The following CANT1 variants were observed in gnomAD, a reference collection of about 807,000 sequenced individuals.
CANT1 encodes the protein calcium activated nucleotidase 1.
A neutral mutation model predicts 30.0 loss-of-function variants in CANT1; 26 were observed. The observed-to-expected ratio is 0.87, with a 90% CI of 0.64 to 1.20. The LOEUF is 1.20. Ranked by LOEUF, CANT1 falls within the 50% of genes most tolerant of loss-of-function variation. The probability of loss-of-function intolerance (pLI) is 0.00; values close to 1 mark genes in which losing one functional copy is unlikely to be tolerated. For missense variants in CANT1, 518 were observed against 563.0 expected, an observed-to-expected ratio of 0.92 and a Z score of 0.81; for synonymous variants, 246 against 251.8, an observed-to-expected ratio of 0.98 and a Z score of 0.22.
rs145516713 is a variant in CANT1, at chr17:78,993,693, C to G, written c.1063G>C (p.Asp355His). Residue 355 changes from aspartate to histidine, a missense_variant, in exon 5 of 5, where the codon GAC becomes CAC. This residue lies in a region of CANT1 where 221 missense variants were observed against 211.8 expected (regional missense o/e 1.04). Coordinates refer to ENST00000392446, the MANE Select transcript of CANT1 (RefSeq NM_001159773.2). The surrounding 1 kb of genome is among the most constrained non-coding windows in gnomAD (Gnocchi z 4.5). ...GATTTGAGGGCCACAATGATCTGGT[C>G]GTCGGTGTTGGGGATGAACTTGAAG... ...SSFKFIPNTDDQIIVALKSEE... is the reference protein window; with the variant it reads ...SSFKFIPNTDHQIIVALKSEE... 6.2e-7 allele frequency: 1 copy of G among 1,614,058 alleles called. No individual in the cohort carries two copies. Among genetic ancestry groups the G allele is most frequent in the Non-Finnish European group, 8.5e-7 (1 of 1,180,050 alleles).
In CANT1 at chr17:78,997,236, C is replaced by T; in HGVS notation, c.387G>A (p.Leu129=). 2.5e-6 allele frequency: 4 copies of T among 1,614,220 alleles called. No individual in the cohort carries two copies. Among genetic ancestry groups the T allele is most frequent in the Non-Finnish European group, 3.4e-6 (4 of 1,180,044 alleles). The change falls in exon 3 of 5, where the codon CTG becomes CTA. Residue 129 remains leucine (L), a synonymous_variant. Coordinates refer to ENST00000392446, the MANE Select transcript of CANT1 (RefSeq NM_001159773.2). The surrounding 1 kb of genome is among the most constrained non-coding windows in gnomAD (Gnocchi z 7.5). The part of the protein sequence containing the change: ...AQEENTWFSY[L]KKGYLTLSDS... ...CTGACAGGGTCAGGTAGCCCTTTTT[C>T]AGGTAACTGAACCAGGTGTTTTCCT...
chr17:78,999,168 T>A (rs1173434019), intron 1 of CANT1, among the ~76,000 whole-genome samples: 1 of 152,184 alleles, frequency 6.6e-6, no homozygotes, highest in Admixed American at 6.5e-5. Flanking sequence ...ACAAGGCACA[T>A]ACGTGGAACC....
Position 78,996,955 on chromosome 17 carries a change from C to G in CANT1, c.631+37G>C. 1.2e-6 allele frequency: 2 copies of G among 1,611,796 alleles called. No homozygotes were observed. The highest frequency in any genetic ancestry group is 1.7e-6 in the Non-Finnish European group (2 of 1,179,988). ...CAGCCAGGCCCTGAGCTCCCACTCC[C>G]CACCCACACCTCCATAAAACCTCAG... On this transcript the variant is annotated intron_variant, in intron 3 of 4. Transcript: ENST00000392446. This position sits in a 1 kb window ranked among gnomAD's most constrained non-coding sequence, Gnocchi z 5.1.
At position 78,996,532 on chromosome 17, in the gene CANT1, G is replaced by A. The variant is rs899345592; in HGVS notation, c.631+460C>T. Among the ~76,000 whole-genome samples the A allele has an allele frequency of 1.1e-4, 17 of 152,304 alleles. No individual in the cohort carries two copies. The East Asian group carries it at 2.7e-3, about 24-fold the overall frequency. On this transcript the variant is annotated intron_variant, in intron 3 of 4. Coordinates refer to ENST00000392446, the MANE Select transcript of CANT1 (RefSeq NM_001159773.2). This position sits in a 1 kb window ranked among gnomAD's most constrained non-coding sequence, Gnocchi z 5.1. Reference sequence around the variant, plus strand: ...TCCCCCTGCTGGGGTTCAGGGAGAGGAGGGCTGGGCAGCAGTTTACCCTTC... The same window carrying A: ...TCCCCCTGCTGGGGTTCAGGGAGAGAAGGGCTGGGCAGCAGTTTACCCTTC...
Position 78,995,034 on chromosome 17 carries a change from G to A in CANT1, c.819C>T (p.Ala273=), listed in dbSNP as rs571979064. The change falls in exon 4 of 5, where the codon GCC becomes GCT. Residue 273 remains alanine (A), a synonymous_variant. Transcript: ENST00000392446. This position sits in a 1 kb window ranked among gnomAD's most constrained non-coding sequence, Gnocchi z 5.7. ...VSNYNALRAA[A]GIQPPGYLIH... ...GTCTCTTACCTGGCGGCTGGATGCC[G>A]GCAGCAGCCCGCAGGGCGTTGTAGT... 3.0e-5 allele frequency: 48 copies of A among 1,579,546 alleles called. No individual in the cohort carries two copies. Among genetic ancestry groups the A allele is most frequent in the Admixed American group, 3.6e-5 (2 of 55,266 alleles).
Position 78,994,725 on chromosome 17 carries a change from C to T in CANT1, c.835+293G>A, listed in dbSNP as rs149234298. ...ATCACCCGAAGTCAGGAGTTCGAGA[C>T]CATCCTGGGCAACATGGTGAAACCC... On this transcript the variant is annotated intron_variant, in intron 4 of 4. Coordinates refer to ENST00000392446, the MANE Select transcript of CANT1 (RefSeq NM_001159773.2). Among the ~76,000 whole-genome samples, 339 of 152,258 alleles carry T rather than the reference C, an allele frequency of 2.2e-3. 2 individuals are homozygous for T. Among genetic ancestry groups the T allele is most frequent in the African/African-American group, 6.9e-3 (285 of 41,550 alleles).
At chr17:78,994,909 G>A in intron 4 of CANT1, 109 bp downstream of exon 4, 1 of 1,158,236 alleles carries the variant, frequency 8.6e-7, no homozygotes, top group Admixed American at 2.0e-5. Context: ...GACAGAGCAA[G>A]ACTATGTCTA....
In CANT1 at chr17:79,009,215, T is replaced by G. The variant is rs567037226; in HGVS notation, c.-147+449A>C. ...ATCAGAGCGGGGAGGTGCCCCACAG[T>G]AATCAGAGGGGGATGGTCCCCAAAC... On this transcript the variant is annotated intron_variant, in intron 1 of 4. Transcript: ENST00000392446. Among the ~76,000 whole-genome samples, 15 of 135,720 alleles carry G rather than the reference T, an allele frequency of 1.1e-4. No individual in the cohort carries two copies. In the East Asian group the frequency reaches 1.5e-3, roughly 13 times the overall value. 89.0% of individuals were successfully genotyped at this position (135,720 alleles called of 152,430 possible).
Position 79,002,015 on chromosome 17 carries a change from C to A in CANT1, c.-146-4052G>T, listed in dbSNP as rs2071281214. ...CCAGCTTGAGACTCGCTTCCCTTCT[C>A]CCCATCCACACAGCCTCGGCTCCAG... On this transcript the variant is annotated intron_variant, in intron 1 of 4. Coordinates refer to ENST00000392446, the MANE Select transcript of CANT1 (RefSeq NM_001159773.2). This position sits in a 1 kb window ranked among gnomAD's most constrained non-coding sequence, Gnocchi z 4.0. Among the ~76,000 whole-genome samples the A allele has an allele frequency of 6.6e-6, 1 of 152,088 alleles. No individual in the cohort carries two copies. Among genetic ancestry groups the A allele is most frequent in the African/African-American group, 2.4e-5 (1 of 41,412 alleles).
Position 78,993,636 on chromosome 17 carries a change from T to C in CANT1, c.1120A>G (p.Ile374Val). The C allele has an allele frequency of 6.2e-7, 1 of 1,614,260 alleles. No homozygotes were observed. The highest frequency in any genetic ancestry group is 8.5e-7 in the Non-Finnish European group (1 of 1,180,044). The change falls in exon 5 of 5, where the codon ATC becomes GTC. Residue 374 changes from isoleucine to valine, a missense_variant. By Grantham distance (29) the Ile-to-Val change is conservative. Around this residue, in one of 3 missense-constraint regions of CANT1, gnomAD observed 221 missense variants for 211.8 expected, o/e 1.04. Transcript: ENST00000392446. This position sits in a 1 kb window ranked among gnomAD's most constrained non-coding sequence, Gnocchi z 4.5. ...CGCCCGTCCAGCGTGAAGGCCATGA[T>C]GTAGGAGGCGACTCTGCCGCTGTCC... The part of the protein sequence containing the change: ...EEDSGRVASY[I>V]MAFTLDGRFL...
In CANT1 at chr17:78,995,328, CG is replaced by C; in HGVS notation, c.632-108del. On this transcript the variant is annotated intron_variant, in intron 3 of 4. Transcript: ENST00000392446. The surrounding 1 kb of genome is among the most constrained non-coding windows in gnomAD (Gnocchi z 5.7). Reference sequence around the variant, plus strand: ...GTCCTTAGACCCCGCACCTGACTCCCGCCCGGCTCCACACCTGCCTCCCCTC... The same window carrying C: ...GTCCTTAGACCCCGCACCTGACTCCCCCCGGCTCCACACCTGCCTCCCCTC... 8.2e-7 allele frequency: 1 copy of C among 1,219,082 alleles called. No homozygotes were observed. The highest frequency in any genetic ancestry group is 1.2e-6 in the Non-Finnish European group (1 of 860,024). 75.5% of individuals were successfully genotyped at this position (1,219,082 alleles called of 1,614,324 possible).
Position 78,993,201 on chromosome 17 carries a change from G to A in CANT1, c.*349C>T, listed in dbSNP as rs1599214836. Reference sequence around the variant, plus strand: ...GTTCTCAGGGTGAGGCATAGGGCCTGACATATGGTAGGAGCTCTAGGGATA... The same window carrying A: ...GTTCTCAGGGTGAGGCATAGGGCCTAACATATGGTAGGAGCTCTAGGGATA... On this transcript the variant is annotated 3_prime_UTR_variant, in exon 5 of 5. Transcript: ENST00000392446. This position sits in a 1 kb window ranked among gnomAD's most constrained non-coding sequence, Gnocchi z 4.5. The A allele has an allele frequency of 4.8e-6, 2 of 417,602 alleles. No homozygotes were observed. The highest frequency in any genetic ancestry group is 4.2e-5 in the East Asian group (1 of 23,918). The allele number at this position is 417,602 out of a possible 1,614,324, so 25.9% of individuals were successfully genotyped here.
rs1342069358 is a variant in CANT1 at position 78,998,860 on chromosome 17, C to T, written c.-146-897G>A. Among the ~76,000 whole-genome samples, 2 of 152,242 alleles carry T rather than the reference C, an allele frequency of 1.3e-5. No homozygotes were observed. The highest frequency in any genetic ancestry group is 4.8e-5 in the African/African-American group (2 of 41,476). On this transcript the variant is annotated intron_variant, in intron 1 of 4. Coordinates refer to ENST00000392446, the MANE Select transcript of CANT1 (RefSeq NM_001159773.2). This position sits in a 1 kb window ranked among gnomAD's most constrained non-coding sequence, Gnocchi z 4.5. ...TGAGAAGCTTCCCTGGCTGGGTCCT[C>T]CTTGAGAAAACAACAAAGCAGCAAA...
chr17:78,997,140 C>T lies in CANT1; in HGVS notation c.483G>A (p.Lys161=). The T allele has an allele frequency of 6.2e-7, 1 of 1,614,218 alleles. No individual in the cohort carries two copies. The highest frequency in any genetic ancestry group is 8.5e-7 in the Non-Finnish European group (1 of 1,180,058). ...GGTCGGATAGCTCCATGCCTCTCCC[C>T]TTCTCCGCCAGGTGGGACTCCAGGA... ...HGVLESHLAE[K]GRGMELSDLI... The change falls in exon 3 of 5, where the codon AAG becomes AAA. Residue 161 remains lysine, a synonymous_variant. Coordinates refer to ENST00000392446, the MANE Select transcript of CANT1 (RefSeq NM_001159773.2). The surrounding 1 kb of genome is among the most constrained non-coding windows in gnomAD (Gnocchi z 7.5).
chr17:78,997,131 G>T lies in CANT1; in HGVS notation c.492C>A (p.Gly164=). ...AAACAATCAGGTCGGATAGCTCCATGCCTCTCCCCTTCTCCGCCAGGTGGG... is the reference window on the plus strand; with the variant it reads ...AAACAATCAGGTCGGATAGCTCCATTCCTCTCCCCTTCTCCGCCAGGTGGG... The part of the protein sequence containing the change: ...LESHLAEKGR[G]MELSDLIVFN... Residue 164 remains glycine (G), a synonymous_variant, in exon 3 of 5, where the codon GGC becomes GGA. Coordinates refer to ENST00000392446, the MANE Select transcript of CANT1 (RefSeq NM_001159773.2). This position sits in a 1 kb window ranked among gnomAD's most constrained non-coding sequence, Gnocchi z 7.5. 6.2e-7 allele frequency: 1 copy of T among 1,614,186 alleles called. No individual in the cohort carries two copies. The highest frequency in any genetic ancestry group is 8.5e-7 in the Non-Finnish European group (1 of 1,180,044).
In CANT1 at chr17:78,992,877, G is replaced by A. The variant is rs2070886482; in HGVS notation, c.*673C>T. Reference sequence around the variant, plus strand: ...GCAGGTTAATAATTAAAACTTCAAAGTACTGCACAGCCACAGAATTTTCTT... The same window carrying A: ...GCAGGTTAATAATTAAAACTTCAAAATACTGCACAGCCACAGAATTTTCTT... On this transcript the variant is annotated 3_prime_UTR_variant, in exon 5 of 5. Transcript: ENST00000392446. 1 of 362,658 alleles carries A rather than the reference G, an allele frequency of 2.8e-6. No individual in the cohort carries two copies. Among genetic ancestry groups the A allele is most frequent in the African/African-American group, 2.0e-5 (1 of 49,110 alleles). 22.5% of individuals were successfully genotyped at this position (362,658 alleles called of 1,614,324 possible). A position where few individuals can be genotyped will look rare whatever the true frequency, so the allele number is the denominator to read the frequency against.
chr17:79,003,323 A>G (rs1156962640), intron 1 of CANT1, among the ~76,000 whole-genome samples: 1 of 152,066 alleles, frequency 6.6e-6, no homozygotes, highest in Admixed American at 6.5e-5. Context: ...AAAAATTTCA[A>G]ATCAGATGCC....
chr17:79,006,574 C>T (rs903768926), intron 1 of CANT1, among the ~76,000 whole-genome samples: 2 of 152,138 alleles, frequency 1.3e-5, no homozygotes, highest in East Asian at 3.9e-4. Flanking sequence ...ATGGTGTGGG[C>T]GCACAGCTTC....
chr17:79,001,273 T>C (rs2071250724), intron 1 of CANT1, among the ~76,000 whole-genome samples: 1 of 152,126 alleles, frequency 6.6e-6, no homozygotes, highest in Non-Finnish European at 1.5e-5. Flanking sequence ...ACCATTCCTG[T>C]CAAATCTCCG....
Sources: gnomAD v4.1 joint callset for allele counts (sites outside exome capture counted in the v4.1 genomes callset) on GRCh38, gnomAD v4.1.1 for gene constraint, gnomAD v4.1.1 regional missense constraint, Gnocchi (gnomAD v3.1) non-coding constraint, MANE v1.5 for transcripts, NCBI Gene and HGNC (gene_info 2026-07-23, HGNC 2026-07-21) for gene names.